ESR1: variants seen among roughly 807,000 people sequenced by gnomAD.
ESR1 encodes the protein estrogen receptor 1.
ESR1 carries 12 observed loss-of-function variants against 52.7 expected under a neutral mutation model. That is an observed-to-expected ratio of 0.23 (90% CI 0.15 to 0.37). The LOEUF is 0.37. Among genes scored for constraint, ESR1 ranks in the 10% least tolerant of loss-of-function variants. The pLI is 1.00. For missense variants in ESR1, 584 were observed against 779.7 expected (o/e 0.75, Z 2.99); for synonymous variants, 305 against 316.8 (o/e 0.96, Z 0.39).
intron 4 of ESR1, among the ~76,000 whole-genome samples, chr6:151,990,864 A>C (rs576569567): frequency 6.6e-6 from 1 of 152,152 alleles, no homozygotes; most frequent in African/African-American, 2.4e-5. Flanking sequence ...TCTATAGTTT[A>C]ATTTGCCTAT....
At chr6:152,033,663 T>C (rs1184154574) in intron 5 of ESR1, among the ~76,000 whole-genome samples, 2 of 152,162 alleles carry the variant, frequency 1.3e-5, no homozygotes, top group Non-Finnish European at 2.9e-5. Context: ...GGAGAGGATG[T>C]GGAGAAATAG....
chr6:151,876,974 A>AAAC (rs1554274744), intron 2 of ESR1, among the ~76,000 whole-genome samples: 1 of 151,620 alleles, frequency 6.6e-6, no homozygotes, highest in African/African-American at 2.4e-5. Context: ...GTTAAAAAAA[A>AAAC]ACACACACAC....
At chr6:152,078,031 T>G (rs1362460275) in intron 6 of ESR1, among the ~76,000 whole-genome samples, 4 of 152,102 alleles carry the variant, frequency 2.6e-5, no homozygotes, top group Non-Finnish European at 5.9e-5. Context: ...GGGTGGAATG[T>G]TATGGTTTGG....
chr6:152,029,880 G>A (rs990901411), intron 5 of ESR1, among the ~76,000 whole-genome samples: 5 of 152,196 alleles, frequency 3.3e-5, no homozygotes, highest in Non-Finnish European at 5.9e-5. Context: ...AATGTTAAGG[G>A]CAGCCAGAGA....
At chr6:152,115,949 GT>G (rs1444517360) in intron 6 of ESR1, among the ~76,000 whole-genome samples, 4 of 152,172 alleles carry the variant, frequency 2.6e-5, no homozygotes, top group Admixed American at 2.0e-4. Flanking sequence ...AATTTAATTG[GT>G]TTGGGGTATG....
chr6:151,731,864 T>C (rs1782269774), intron 2 of ESR1, among the ~76,000 whole-genome samples: 2 of 152,224 alleles, frequency 1.3e-5, no homozygotes, highest in Non-Finnish European at 2.9e-5. Flanking sequence ...AGCAGATTTC[T>C]GCATCAGTAG....
At chr6:151,967,520 T>C (rs577687372) in intron 4 of ESR1, among the ~76,000 whole-genome samples, 68 of 152,350 alleles carry the variant, frequency 4.5e-4, no homozygotes, top group Admixed American at 1.1e-3. Flanking sequence ...GAGCTCATCC[T>C]TTTTTATAGC....
intron 1 of ESR1, among the ~76,000 whole-genome samples, chr6:151,841,016 A>C (rs889546007): frequency 1.3e-5 from 2 of 152,108 alleles, no homozygotes; most frequent in African/African-American, 2.4e-5. Context: ...ATGCAAACTC[A>C]TCTTCCTCTA....
intron 4 of ESR1, among the ~76,000 whole-genome samples, chr6:152,008,424 A>G (rs561127133): frequency 3.2e-4 from 49 of 152,270 alleles, no homozygotes; most frequent in Non-Finnish European, 4.1e-4. Context: ...ACCAACAGAC[A>G]TACTTCAGAC....
chr6:151,944,694 T>C, intron 4 of ESR1, among the ~76,000 whole-genome samples, 186 bp downstream of exon 4: 1 of 152,196 alleles, frequency 6.6e-6, no homozygotes, highest in Non-Finnish European at 1.5e-5. Flanking sequence ...GGAAATAATA[T>C]TTTTAAATCA....
intron 5 of ESR1, among the ~76,000 whole-genome samples, chr6:152,031,310 G>C (rs1365023365): frequency 6.6e-6 from 1 of 152,056 alleles, no homozygotes; most frequent in East Asian, 1.9e-4. Flanking sequence ...GAAGGAGATA[G>C]AGACACAAAA....
chr6:152,023,986 C>T (rs530330702), intron 5 of ESR1, among the ~76,000 whole-genome samples: 1 of 152,144 alleles, frequency 6.6e-6, no homozygotes, highest in African/African-American at 2.4e-5. Flanking sequence ...GTTATAATTG[C>T]ATTCACTTAT....
chr6:151,723,475 A>G (rs1219234386), intron 2 of ESR1, among the ~76,000 whole-genome samples: 8 of 152,170 alleles, frequency 5.3e-5, no homozygotes, highest in Admixed American at 3.9e-4. Flanking sequence ...TCAGGGAAAC[A>G]TTTACCCCTC....
At chr6:151,680,772 T>C (rs1376543098) in intron 1 of ESR1, among the ~76,000 whole-genome samples, 1 of 152,136 alleles carries the variant, frequency 6.6e-6, no homozygotes, top group Non-Finnish European at 1.5e-5. Context: ...CTTTGTCTCT[T>C]TTGTTTACAG....
At chr6:152,055,968 T>A (rs1054193964) in intron 5 of ESR1, among the ~76,000 whole-genome samples, 1 of 152,220 alleles carries the variant, frequency 6.6e-6, no homozygotes, top group African/African-American at 2.4e-5. Context: ...TACAGTACGT[T>A]GTGATGTTTC....
intron 2 of ESR1, among the ~76,000 whole-genome samples, chr6:151,738,510 A>G (rs1205942152): frequency 6.6e-6 from 1 of 152,040 alleles, no homozygotes; most frequent in African/African-American, 2.4e-5. Context: ...ATTTCTCCAC[A>G]CCCTCACCAA....
At chr6:151,842,517 A>G (rs757419760) in intron 1 of ESR1, 80 bp from the exon 2 acceptor site, 38 of 1,196,304 alleles carry the variant, frequency 3.2e-5, no homozygotes, top group Non-Finnish European at 4.6e-5. Flanking sequence ...TGTCAGGATA[A>G]AGTGGATCTG....
chr6:152,099,379 G>A lies in ESR1; in HGVS notation c.*413G>A. 3.1e-6 allele frequency: 1 copy of A among 325,704 alleles called. No individual in the cohort carries two copies. Among genetic ancestry groups the A allele is most frequent in the Non-Finnish European group, 5.8e-6 (1 of 173,072 alleles). The allele number at this position is 325,704 out of a possible 1,614,324, so 20.2% of individuals were successfully genotyped here. On this transcript the variant is annotated 3_prime_UTR_variant, in exon 8 of 8. Coordinates refer to ENST00000206249, the MANE Select transcript of ESR1 (RefSeq NM_000125.4). ...TAAATGGCTCTAAGAATAAGCCACAGCAAAGAATTTAAAGTGGCTCCTTTA... is the reference window on the plus strand; with the variant it reads ...TAAATGGCTCTAAGAATAAGCCACAACAAAGAATTTAAAGTGGCTCCTTTA...
intron 2 of ESR1, among the ~76,000 whole-genome samples, chr6:151,745,553 T>A (rs1232512317): frequency 6.6e-6 from 1 of 152,134 alleles, no homozygotes; most frequent in East Asian, 1.9e-4. Flanking sequence ...ATAATCATAA[T>A]CATTAAGTTA....
Sources: allele counts gnomAD v4.1 joint callset (sites outside exome capture counted in the v4.1 genomes callset), GRCh38; gene constraint gnomAD v4.1.1; transcripts MANE v1.5; gene names NCBI Gene and HGNC (gene_info 2026-07-23, HGNC 2026-07-21).